Variants in WASF3 observed in about 807,000 individuals in gnomAD.
WASF3 encodes actin-binding protein WASF3.
A neutral mutation model predicts 46.6 loss-of-function variants in WASF3; 11 were observed. The ratio of observed to expected loss-of-function variants is 0.24; its 90% confidence interval spans 0.15 to 0.39. The LOEUF is 0.39. Ranked by LOEUF, WASF3 falls within the 10% of genes least tolerant of loss-of-function variation. The probability of loss-of-function intolerance (pLI) is 1.00; values close to 1 mark genes in which losing one functional copy is unlikely to be tolerated. For missense variants in WASF3, 576 were observed against 669.8 expected, an observed-to-expected ratio of 0.86 and a Z score of 1.55; for synonymous variants, 242 against 259.7, an observed-to-expected ratio of 0.93 and a Z score of 0.65.
chr13:26,592,148 A>G (rs1014064317), intron 1 of WASF3, among the ~76,000 whole-genome samples: 2 of 152,058 alleles, frequency 1.3e-5, no homozygotes, highest in Non-Finnish European at 1.5e-5. Context: ...GATATCACCA[A>G]TCTCTACAAA....
At chr13:26,676,977 G>A (rs2137497653) in intron 7 of WASF3, among the ~76,000 whole-genome samples, 1 of 152,316 alleles carries the variant, frequency 6.6e-6, no homozygotes, top group South Asian at 2.1e-4. Context: ...TCATCTAGAT[G>A]TAGTGTTTTA....
chr13:26,642,538 A>G, intron 3 of WASF3, 135 bp downstream of exon 3: 2 of 1,135,464 alleles, frequency 1.8e-6, no homozygotes, highest in Non-Finnish European at 2.4e-6. Context: ...ATTTCCCAGT[A>G]TGAAATTGAC....
the WASF3 span, among the ~76,000 whole-genome samples, chr13:26,546,255 G>A: frequency 1.3e-5 from 2 of 152,188 alleles, no homozygotes; most frequent in African/African-American, 4.8e-5. Context: ...AACGCTTGAA[G>A]CAAATATCTC....
intron 2 of WASF3, among the ~76,000 whole-genome samples, chr13:26,623,597 C>A (rs1013506247): frequency 6.6e-6 from 1 of 152,186 alleles, no homozygotes; most frequent in Non-Finnish European, 1.5e-5. Context: ...GGAACTCTTT[C>A]ATGCCCAAGA....
At chr13:26,676,476 A>G (rs1438264205) in intron 6 of WASF3, 73 bp from the exon 7 acceptor site, 4 of 1,532,550 alleles carry the variant, frequency 2.6e-6, no homozygotes, top group Middle Eastern at 1.8e-4. Flanking sequence ...CTTGTGCATT[A>G]TAACTGCATT....
chr13:26,559,443 G>A (rs1167159533), intron 1 of WASF3, among the ~76,000 whole-genome samples: 2 of 152,166 alleles, frequency 1.3e-5, no homozygotes, highest in Non-Finnish European at 2.9e-5. Context: ...AGTCAATGAT[G>A]TGCTTCACTA....
intron 1 of WASF3, among the ~76,000 whole-genome samples, chr13:26,600,166 G>A (rs776970010): frequency 6.6e-6 from 1 of 152,218 alleles, no homozygotes; most frequent in Admixed American, 6.5e-5. Context: ...GGGCAGTAAG[G>A]TGAGTGGGAT....
At chr13:26,658,701 C>T (rs1882537046) in intron 3 of WASF3, among the ~76,000 whole-genome samples, 2 of 152,192 alleles carry the variant, frequency 1.3e-5, no homozygotes, top group Admixed American at 6.5e-5. Context: ...TGAGCACAAG[C>T]AGTGCAGAGG....
the WASF3 span, among the ~76,000 whole-genome samples, chr13:26,549,139 G>A: frequency 4.0e-5 from 6 of 151,640 alleles, no homozygotes; most frequent in South Asian, 2.1e-4. Flanking sequence ...GCACCACCAC[G>A]CCCAGCTAAT....
chr13:26,554,170 A>C (rs1272231342), upstream of WASF3, among the ~76,000 whole-genome samples: 1 of 143,912 alleles, frequency 6.9e-6, no homozygotes, highest in Non-Finnish European at 1.5e-5. Context: ...TCTGTCACAC[A>C]GGCTGGATTG....
intron 2 of WASF3, among the ~76,000 whole-genome samples, chr13:26,622,942 CA>C (rs1173320894): frequency 4.0e-5 from 6 of 151,868 alleles, no homozygotes; most frequent in African/African-American, 1.5e-4. Context: ...TTTTAAGAAA[CA>C]AAAAAGGCCA....
At chr13:26,676,227 A>G (rs1221988894) in intron 6 of WASF3, among the ~76,000 whole-genome samples, 1 of 152,236 alleles carries the variant, frequency 6.6e-6, no homozygotes, top group Non-Finnish European at 1.5e-5. Flanking sequence ...TCACCCATGT[A>G]ATATAGATCT....
At chr13:26,576,897 C>T in intron 1 of WASF3, 1 of 760,090 alleles carries the variant, frequency 1.3e-6, no homozygotes, top group Non-Finnish European at 2.2e-6. Flanking sequence ...TGGCTGTTGG[C>T]AAGAACAAAC....
At chr13:26,684,330 G>C (rs1290153414) in intron 9 of WASF3, among the ~76,000 whole-genome samples, 1 of 151,014 alleles carries the variant, frequency 6.6e-6, no homozygotes, top group Non-Finnish European at 1.5e-5. Context: ...TACATAATCT[G>C]TATCTAATCT....
intron 1 of WASF3, among the ~76,000 whole-genome samples, chr13:26,583,319 G>A (rs1022713260): frequency 2.0e-5 from 3 of 152,182 alleles, no homozygotes; most frequent in South Asian, 2.1e-4. Flanking sequence ...GTTAAGAAAC[G>A]GAAAGGTTCT....
At chr13:26,545,555 T>A in the WASF3 span, among the ~76,000 whole-genome samples, 1 of 152,176 alleles carries the variant, frequency 6.6e-6, no homozygotes, top group East Asian at 1.9e-4. Context: ...TTAAAAAAAA[T>A]CTATTTTAGT....
chr13:26,665,279 T>C (rs546868017), intron 4 of WASF3, 117 bp downstream of exon 4: 2 of 1,288,546 alleles, frequency 1.6e-6, no homozygotes, highest in South Asian at 2.9e-5. Flanking sequence ...TCATCTTGTC[T>C]TTCCTAGAAG....
intron 1 of WASF3, among the ~76,000 whole-genome samples, chr13:26,563,291 C>T (rs1242074533): frequency 1.3e-5 from 2 of 152,054 alleles, no homozygotes; most frequent in Non-Finnish European, 2.9e-5. Context: ...AACTCCTGGG[C>T]TCAAGCAGTC....
At chr13:26,589,819 C>T (rs1046177330) in intron 1 of WASF3, among the ~76,000 whole-genome samples, 10 of 152,100 alleles carry the variant, frequency 6.6e-5, no homozygotes, top group African/African-American at 1.9e-4. Flanking sequence ...GGTAAACATA[C>T]TCAATTTGAC....
Sources: allele counts gnomAD v4.1 joint callset (sites outside exome capture counted in the v4.1 genomes callset), GRCh38; gene constraint gnomAD v4.1.1; transcripts MANE v1.5; gene names NCBI Gene and HGNC (gene_info 2026-07-23, HGNC 2026-07-21).